FSTL1: variants seen among roughly 807,000 people sequenced by gnomAD.
FSTL1 encodes follistatin-related protein 1.
FSTL1 carries 24 observed loss-of-function variants against 45.9 expected under a neutral mutation model. The ratio of observed to expected loss-of-function variants is 0.52; its 90% CI spans 0.38 to 0.74. The LOEUF (loss-of-function observed/expected upper bound fraction) is 0.74. Among genes scored for constraint, FSTL1 ranks in the 30% least tolerant of loss-of-function variants. FSTL1 has a pLI of 0.00. For missense variants in FSTL1, 340 were observed against 381.8 expected (o/e 0.89, Z 0.91); for synonymous variants, 120 against 137.6 (o/e 0.87, Z 0.89).
chr3:120,409,452 G>A (rs1309325081), intron 6 of FSTL1, 80 bp downstream of exon 6: 1 of 1,251,646 alleles, frequency 8.0e-7, no homozygotes, highest in Non-Finnish European at 1.2e-6. Context: ...CTGTGGTCTG[G>A]GAAGGTGTGA....
intron 4 of FSTL1, 84 bp from the exon 5 acceptor site, chr3:120,411,068 T>C (rs1434030317): frequency 1.1e-6 from 1 of 886,446 alleles, no homozygotes; most frequent in Non-Finnish European, 1.8e-6. Flanking sequence ...ACAGCTGCTC[T>C]ACATGTAGGG....
intron 9 of FSTL1, among the ~76,000 whole-genome samples, chr3:120,402,201 C>T (rs973180249): frequency 6.6e-6 from 1 of 152,098 alleles, no homozygotes; most frequent in African/African-American, 2.4e-5. Context: ...AAAAGATTAC[C>T]CATCTCTGTT....
At chr3:120,434,081 G>A (rs1298274093) in intron 2 of FSTL1, among the ~76,000 whole-genome samples, 1 of 152,162 alleles carries the variant, frequency 6.6e-6, no homozygotes, top group Admixed American at 6.6e-5. Flanking sequence ...CAGGTCGCAG[G>A]AGAGAGAAAG....
chr3:120,436,154 T>C (rs967724586), intron 2 of FSTL1, among the ~76,000 whole-genome samples: 2 of 151,890 alleles, frequency 1.3e-5, no homozygotes, highest in African/African-American at 4.8e-5. Context: ...TGTTCCTTTG[T>C]AGAAAATGAA....
At position 120,395,211 on chromosome 3, in the gene FSTL1, A is replaced by C. The variant is rs1644969055; in HGVS notation, c.*1741T>G. 1 of 159,270 alleles carries C rather than the reference A, an allele frequency of 6.3e-6. No homozygotes were observed. Among genetic ancestry groups the C allele is most frequent in the Admixed American group, 6.5e-5 (1 of 15,394 alleles). 9.9% of individuals were successfully genotyped at this position (159,270 alleles called of 1,614,324 possible). On this transcript the variant is annotated 3_prime_UTR_variant, in exon 11 of 11. Coordinates refer to ENST00000295633, the MANE Select transcript of FSTL1 (RefSeq NM_007085.5). ...AACAGTTTCTCACAGTTGCCTGTGCATTACAACCTAAATAATTTCCTTCTG... is the reference window on the plus strand; with the variant it reads ...AACAGTTTCTCACAGTTGCCTGTGCCTTACAACCTAAATAATTTCCTTCTG...
chr3:120,396,852 T>C lies in FSTL1; in HGVS notation c.*100A>G. 2.5e-6 allele frequency: 2 copies of C among 815,914 alleles called. No individual in the cohort carries two copies. The highest frequency in any genetic ancestry group is 4.3e-6 in the Non-Finnish European group (2 of 466,670). 50.5% of individuals were successfully genotyped at this position (815,914 alleles called of 1,614,324 possible). A position where few individuals can be genotyped will look rare whatever the true frequency, so the allele number is the denominator to read the frequency against. ...TAAAACTCATTGCTATATAAGCAAA[T>C]ACTGGTGATTTGGCGACTGTAGCAG... On this transcript the variant is annotated 3_prime_UTR_variant, in exon 11 of 11. Coordinates refer to ENST00000295633, the MANE Select transcript of FSTL1 (RefSeq NM_007085.5).
intron 2 of FSTL1, among the ~76,000 whole-genome samples, chr3:120,441,018 C>A (rs760891332): frequency 1.5e-4 from 23 of 152,230 alleles, no homozygotes; most frequent in Non-Finnish European, 2.6e-4. Context: ...TGCAAAGTAC[C>A]AGAAGCTGTG....
Position 120,412,838 on chromosome 3 carries a change from G to GCGCACACACACACACACA in FSTL1, c.169-856_169-855insTGTGTGTGTGTGTGTGCG, listed in dbSNP as rs1429168694. On this transcript the variant is annotated intron_variant, in intron 3 of 10. Coordinates refer to ENST00000295633, the MANE Select transcript of FSTL1 (RefSeq NM_007085.5). Reference sequence around the variant, plus strand: ...CACATGTGCGCGCGCGCGCGCGCGCGCACACACACACACACACACACACAC... The same window carrying GCGCACACACACACACACA: ...CACATGTGCGCGCGCGCGCGCGCGCGCGCACACACACACACACACACACACACACACACACACACACAC... Among the ~76,000 whole-genome samples the GCGCACACACACACACACA allele has an allele frequency of 5.7e-5, 6 of 106,190 alleles. No individual in the cohort carries two copies. In the East Asian group the frequency reaches 1.5e-3, roughly 27 times the overall value. 69.7% of individuals were successfully genotyped at this position (106,190 alleles called of 152,430 possible).
chr3:120,412,836 GCGCACA>G lies in FSTL1; in HGVS notation c.169-859_169-854del, dbSNP rs1401803600. On this transcript the variant is annotated intron_variant, in intron 3 of 10. Transcript: ENST00000295633. ...CACACATGTGCGCGCGCGCGCGCGC[GCGCACA>G]CACACACACACACACACACACACAC... Among the ~76,000 whole-genome samples, 302 of 72,800 alleles carry G rather than the reference GCGCACA, an allele frequency of 4.1e-3. 1 individual carries two copies. The highest frequency in any genetic ancestry group is 0.012 in the African/African-American group (275 of 22,618). 47.8% of individuals were successfully genotyped at this position (72,800 alleles called of 152,430 possible). A position where few individuals can be genotyped will look rare whatever the true frequency, so the allele number is the denominator to read the frequency against.
intron 7 of FSTL1, among the ~76,000 whole-genome samples, chr3:120,403,920 C>CAAAAAAAAAAAAAAAAAAAAAAAAA (rs34145564): frequency 1.9e-5 from 1 of 52,144 alleles, no homozygotes; most frequent in African/African-American, 8.4e-5. Flanking sequence ...GACTCCGTCT[C>CAAAAAAAAAAAAAAAAAAAAAAAAA]AAAAAAAAAA....
intron 2 of FSTL1, 133 bp from the exon 3 acceptor site, chr3:120,416,160 T>A: frequency 1.4e-6 from 1 of 705,052 alleles, no homozygotes; most frequent in South Asian, 1.7e-5. Flanking sequence ...CAGCTAGATG[T>A]TGGGTCTTAA....
At chr3:120,440,321 TAAC>T (rs1487053989) in intron 2 of FSTL1, among the ~76,000 whole-genome samples, 1 of 152,238 alleles carries the variant, frequency 6.6e-6, no homozygotes. Flanking sequence ...CATAGCCATA[TAAC>T]AACTGATGTT....
In FSTL1 at chr3:120,404,919, A is replaced by G; in HGVS notation, c.515T>C (p.Val172Ala). Residue 172 changes from valine (V) to alanine (A), a missense_variant, in exon 7 of 11, where the codon GTG (valine) becomes GCG (alanine). Coordinates refer to ENST00000295633, the MANE Select transcript of FSTL1 (RefSeq NM_007085.5). ...ATTGATGGCAGTTTCATTCTGTTCC[A>G]CAAACTTCAGGAATTCACTGGAGTC... is the stretch of plus-strand genomic sequence containing the variant. ...RLDSSEFLKF[V>A]EQNETAINIT... 8.1e-6 allele frequency: 13 copies of G among 1,608,916 alleles called. No individual in the cohort carries two copies. The highest frequency in any genetic ancestry group is 1.1e-5 in the Non-Finnish European group (13 of 1,175,234).
chr3:120,414,206 G>A (rs1212510742), intron 3 of FSTL1, among the ~76,000 whole-genome samples: 3 of 152,120 alleles, frequency 2.0e-5, no homozygotes, highest in Admixed American at 6.5e-5. Flanking sequence ...CTGCCACCCC[G>A]TCTGGGAAGT....
chr3:120,442,551 G>T (rs929388550), intron 2 of FSTL1, among the ~76,000 whole-genome samples: 2 of 152,030 alleles, frequency 1.3e-5, no homozygotes, highest in African/African-American at 4.8e-5. Context: ...AGGCTGAGGC[G>T]GGTGGATCAC....
intron 2 of FSTL1, among the ~76,000 whole-genome samples, chr3:120,425,073 G>A (rs1178084870): frequency 6.6e-6 from 1 of 152,140 alleles, no homozygotes; most frequent in Non-Finnish European, 1.5e-5. Flanking sequence ...CAGCCCACAA[G>A]GGGTCTCTGT....
At chr3:120,417,760 T>C (rs1937212785) in intron 2 of FSTL1, among the ~76,000 whole-genome samples, 1 of 152,200 alleles carries the variant, frequency 6.6e-6, no homozygotes, top group Non-Finnish European at 1.5e-5. Context: ...TAAAAAAGCA[T>C]GCTCAGACAC....
At chr3:120,401,740 G>A (rs1456345117) in intron 9 of FSTL1, among the ~76,000 whole-genome samples, 1 of 152,040 alleles carries the variant, frequency 6.6e-6, no homozygotes, top group Non-Finnish European at 1.5e-5. Context: ...GTGCCATCAC[G>A]CCTGCCTAAT....
At chr3:120,438,235 C>T (rs1123898) in intron 2 of FSTL1, 100,237 of 152,082 alleles carry the variant, frequency 0.66, 35,998 homozygotes, top group Non-Finnish European at 0.8. Context: ...AAATCCCAAA[C>T]TGCACACTCT....
Sources: allele counts gnomAD v4.1 joint callset (sites outside exome capture counted in the v4.1 genomes callset), GRCh38; gene constraint gnomAD v4.1.1; transcripts MANE v1.5; gene names NCBI Gene and HGNC (gene_info 2026-07-23, HGNC 2026-07-21).